The following C2 variants were observed in gnomAD, a reference collection of about 807,000 sequenced individuals.
The protein encoded by C2 is complement C2, also known as C3/C5 convertase.
Under a neutral mutation model 85.2 loss-of-function variants are expected in C2, and 64 were observed. The ratio of observed to expected loss-of-function variants is 0.75; its 90% CI spans 0.61 to 0.92. The LOEUF is 0.92. Ranked by LOEUF, C2 falls within the 40% of genes least tolerant of loss-of-function variation. C2 has a pLI of 0.00. For missense variants in C2, 820 were observed against 971.6 expected (o/e 0.84, Z 2.07); for synonymous variants, 311 against 370.8 (o/e 0.84, Z 1.85).
In C2 at chr6:31,928,174, C is replaced by A; in HGVS notation, c.256+10C>A. ...AAGGCGGTCTGCAAACGTGAGGCTCCCTGTGGGCTTTGCTCAGGGTGCTAC... is the reference window on the plus strand; with the variant it reads ...AAGGCGGTCTGCAAACGTGAGGCTCACTGTGGGCTTTGCTCAGGGTGCTAC... On this transcript the variant is annotated intron_variant, in intron 2 of 17. Coordinates refer to ENST00000299367, the MANE Select transcript of C2 (RefSeq NM_000063.6). The A allele has an allele frequency of 6.2e-7, 1 of 1,600,814 alleles. No individual in the cohort carries two copies. The highest frequency in any genetic ancestry group is 1.3e-5 in the African/African-American group (1 of 74,934).
intron 1 of C2, among the ~76,000 whole-genome samples, chr6:31,909,326 G>A (rs1045763767): frequency 7.3e-5 from 11 of 151,452 alleles, no homozygotes; most frequent in African/African-American, 2.4e-4. Flanking sequence ...TTTTAGACAG[G>A]ATCTCTGTTG....
At chr6:31,905,796 G>C (rs1399455732) in intron 1 of C2, among the ~76,000 whole-genome samples, 1 of 151,924 alleles carries the variant, frequency 6.6e-6, no homozygotes, top group African/African-American at 2.4e-5. Context: ...CCAGTCCTAT[G>C]AGTCCATAGC....
intron 9 of C2, among the ~76,000 whole-genome samples, chr6:31,940,716 G>A (rs1367822973): frequency 6.6e-6 from 1 of 152,056 alleles, no homozygotes; most frequent in East Asian, 1.9e-4. Flanking sequence ...TAGCATCACT[G>A]GACCAAGGTC....
In C2 at chr6:31,922,333, C is replaced by T. The variant is rs1187312159; in HGVS notation, c.-100+2307C>T. Among the ~76,000 whole-genome samples the T allele has an allele frequency of 6.6e-6, 1 of 152,052 alleles. No homozygotes were observed. Among genetic ancestry groups the T allele is most frequent in the Non-Finnish European group, 1.5e-5 (1 of 67,990 alleles). On this transcript the variant is annotated intron_variant, in intron 1 of 3. Coordinates refer to the C2 transcript ENST00000413154. The surrounding 1 kb of genome is among the most constrained non-coding windows in gnomAD (Gnocchi z 4.8). ...CAATTTGGGGGTTGACCTGCAGTTG[C>T]CATAGAAGGTTGAGGGGTGGCAGAT... is the stretch of plus-strand genomic sequence containing the variant.
Position 31,943,171 on chromosome 6 carries a change from T to C in C2, c.1361-54T>C. 1 of 1,612,138 alleles carries C rather than the reference T, an allele frequency of 6.2e-7. No homozygotes were observed. The highest frequency in any genetic ancestry group is 2.2e-5 in the East Asian group (1 of 44,866). The stretch of plus-strand genomic sequence containing the variant: ...CCGCCAGAGGCCCGTGTTGGGAACC[T>C]GGACACAGTGCCCCTCACTTGCCTC... On this transcript the variant is annotated intron_variant, in intron 10 of 17. Coordinates refer to ENST00000299367, the MANE Select transcript of C2 (RefSeq NM_000063.6). The surrounding 1 kb of genome is among the most constrained non-coding windows in gnomAD (Gnocchi z 6.4).
At chr6:31,906,950 A>C (rs1767749941) in intron 1 of C2, among the ~76,000 whole-genome samples, 1 of 151,710 alleles carries the variant, frequency 6.6e-6, no homozygotes, top group Non-Finnish European at 1.5e-5. Flanking sequence ...CAGCCTGGCC[A>C]ACATGGTGAA....
At chr6:31,938,549 T>C (rs369207756) in intron 8 of C2, among the ~76,000 whole-genome samples, 18 of 151,032 alleles carry the variant, frequency 1.2e-4, no homozygotes, top group East Asian at 7.8e-4. Flanking sequence ...TGGACTACAG[T>C]GGTGCGATCT....
intron 8 of C2, 103 bp downstream of exon 8, chr6:31,937,562 C>A (rs992760669): frequency 5.5e-6 from 8 of 1,461,702 alleles, no homozygotes; most frequent in Non-Finnish European, 7.6e-6. Flanking sequence ...CCACTTTGGG[C>A]CCCAGTTTTG....
At position 31,902,401 on chromosome 6, in the gene C2, A is replaced by AGCGC. The variant is rs548794323; in HGVS notation, c.73+1271_73+1274dup. ...GCGCCCCGCCCGCGCCGCATCCCGC[A>AGCGC]GCGCGCGCGCGCACCCGTTCTCTCG... On this transcript the variant is annotated intron_variant, in intron 1 of 3. Coordinates refer to the C2 transcript ENST00000452202. 2.6e-3 allele frequency among the ~76,000 whole-genome samples: 393 copies of AGCGC among 151,112 alleles called. 1 individual carries two copies. The highest frequency in any genetic ancestry group is 0.025 in the South Asian group (118 of 4,794).
chr6:31,905,173 C>T (rs1414698692), intron 1 of C2, among the ~76,000 whole-genome samples: 1 of 152,048 alleles, frequency 6.6e-6, no homozygotes, highest in Admixed American at 6.6e-5. Context: ...ATGGTTCATT[C>T]CTGTAATCCC....
upstream of C2, among the ~76,000 whole-genome samples, chr6:31,926,580 C>A (rs1318134155): frequency 1.3e-5 from 2 of 152,010 alleles, no homozygotes; most frequent in Non-Finnish European, 2.9e-5. Context: ...GATCCACCCG[C>A]CTCAGCCTCC....
chr6:31,898,113 C>T (rs1158268630), upstream of C2, among the ~76,000 whole-genome samples: 4 of 152,318 alleles, frequency 2.6e-5, no homozygotes, highest in Admixed American at 1.3e-4. Flanking sequence ...TTCTAACGAG[C>T]ACGAAGGGGC....
At chr6:31,940,494 G>A (rs1457412129) in intron 9 of C2, among the ~76,000 whole-genome samples, 1 of 152,162 alleles carries the variant, frequency 6.6e-6, no homozygotes, top group Non-Finnish European at 1.5e-5. Flanking sequence ...AAATTGCACT[G>A]ACCTTTGATC....
Position 31,935,850 on chromosome 6 carries a change from C to T in C2, c.850-73C>T. The T allele has an allele frequency of 6.4e-7, 1 of 1,559,158 alleles. No individual in the cohort carries two copies. The stretch of plus-strand genomic sequence containing the variant: ...CAGTTTCTCTGCCTCCTCCAGGGCC[C>T]TTTGTTTGCTCTCTTACCATCTCCC... On this transcript the variant is annotated intron_variant, in intron 6 of 17. Coordinates refer to ENST00000299367, the MANE Select transcript of C2 (RefSeq NM_000063.6). The surrounding 1 kb of genome is among the most constrained non-coding windows in gnomAD (Gnocchi z 4.3).
upstream of C2, among the ~76,000 whole-genome samples, chr6:31,925,922 C>A (rs573237402): frequency 6.6e-6 from 1 of 152,312 alleles, no homozygotes; most frequent in Admixed American, 6.5e-5. Context: ...GACACCCAGG[C>A]TCCTCTGTCT....
At chr6:31,917,118 C>T (rs1399132319), upstream of C2, among the ~76,000 whole-genome samples, 1 of 149,470 alleles carries the variant, frequency 6.7e-6, no homozygotes, top group Non-Finnish European at 1.5e-5. Flanking sequence ...TTGCAGTGAG[C>T]CAAGACGGCA....
chr6:31,901,520 G>T (rs1309183215), intron 1 of C2, among the ~76,000 whole-genome samples: 1 of 151,986 alleles, frequency 6.6e-6, no homozygotes, highest in Non-Finnish European at 1.5e-5. Flanking sequence ...CGGGGGCGGG[G>T]CAGCGGCGTC....
At chr6:31,908,496 C>T (rs1477913727) in intron 1 of C2, among the ~76,000 whole-genome samples, 2 of 150,996 alleles carry the variant, frequency 1.3e-5, no homozygotes, top group African/African-American at 4.9e-5. Context: ...CTACTAAAAA[C>T]ACAAAAATTA....
At chr6:31,919,840 A>G (rs1304475525), upstream of C2, 1 of 152,228 alleles carries the variant, frequency 6.6e-6, no homozygotes, top group African/African-American at 2.4e-5. Context: ...TCTGTCCCCT[A>G]TTAATGGACG....
Sources: gnomAD v4.1 joint callset for allele counts (sites outside exome capture counted in the v4.1 genomes callset) on GRCh38, gnomAD v4.1.1 for gene constraint, Gnocchi (gnomAD v3.1) non-coding constraint, MANE v1.5 for transcripts, NCBI Gene and HGNC (gene_info 2026-07-23, HGNC 2026-07-21) for gene names.